Variants in ASCC3 observed in about 807,000 individuals in gnomAD.
The protein encoded by ASCC3 is activating signal cointegrator 1 complex subunit 3, also known as ASC-1 complex subunit P200.
ASCC3 carries 158 observed loss-of-function variants against 256.3 expected under a neutral mutation model. The observed-to-expected ratio is 0.62, with a 90% CI of 0.54 to 0.70. The LOEUF (loss-of-function observed/expected upper bound fraction) is 0.70. Among genes scored for constraint, ASCC3 ranks in the 30% least tolerant of loss-of-function variants. The pLI, the probability that ASCC3 is intolerant of heterozygous loss-of-function variation, is 0.00. For synonymous variants in ASCC3, 948 were observed against 883.4 expected (o/e 1.07, Z -1.30); for missense variants, 2,259 against 2,626.0 (o/e 0.86, Z 3.05).
chr6:100,554,865 A>T (rs955277205), intron 36 of ASCC3, among the ~76,000 whole-genome samples: 22 of 152,052 alleles, frequency 1.4e-4, no homozygotes, highest in African/African-American at 5.3e-4. Flanking sequence ...ATATTATTGG[A>T]TCATTATCTA....
intron 23 of ASCC3, 135 bp from the exon 24 acceptor site, chr6:100,642,884 A>G (rs1775198746): frequency 1.1e-6 from 1 of 909,206 alleles, no homozygotes; most frequent in Non-Finnish European, 1.7e-6. Context: ...AATAGCTGAG[A>G]TATTCGGAAA....
At chr6:100,651,859 G>C (rs1775687069) in intron 18 of ASCC3, among the ~76,000 whole-genome samples, 1 of 151,732 alleles carries the variant, frequency 6.6e-6, no homozygotes, top group African/African-American at 2.4e-5. Context: ...ATTAGCTAAG[G>C]AAGATCTTTA....
chr6:100,660,324 A>T (rs1776130196), intron 16 of ASCC3, among the ~76,000 whole-genome samples: 1 of 151,594 alleles, frequency 6.6e-6, no homozygotes, highest in African/African-American at 2.4e-5. Context: ...AGAGAATAAG[A>T]TAATGTACGT....
At chr6:100,757,716 T>C (rs922508975) in intron 10 of ASCC3, among the ~76,000 whole-genome samples, 1 of 152,124 alleles carries the variant, frequency 6.6e-6, no homozygotes, top group East Asian at 1.9e-4. Context: ...GAAACAGACA[T>C]CAGAAGATTC....
At chr6:100,538,567 C>T (rs954671189) in intron 37 of ASCC3, among the ~76,000 whole-genome samples, 2 of 152,040 alleles carry the variant, frequency 1.3e-5, no homozygotes, top group African/African-American at 2.4e-5. Flanking sequence ...TTAAAAATCA[C>T]CCCAATTCCT....
chr6:100,606,650 A>G, intron 32 of ASCC3, 90 bp downstream of exon 32: 2 of 1,400,222 alleles, frequency 1.4e-6, no homozygotes, highest in East Asian at 2.3e-5. Context: ...CAGAAGTTTA[A>G]TTGGTGGAAA....
At chr6:100,824,140 A>C (rs1771183893) in intron 4 of ASCC3, among the ~76,000 whole-genome samples, 1 of 152,224 alleles carries the variant, frequency 6.6e-6, no homozygotes, top group Admixed American at 6.5e-5. Flanking sequence ...AAACCTAATT[A>C]GATTATGGGT....
intron 8 of ASCC3, among the ~76,000 whole-genome samples, chr6:100,778,103 G>GA (rs34451852): frequency 0.89 from 131,324 of 147,166 alleles, 58,998 homozygotes; most frequent in South Asian, 0.97. Flanking sequence ...TAAGATGGTG[G>GA]AAAAAAAAAA....
At chr6:100,522,765 A>G (rs565771314) in intron 37 of ASCC3, among the ~76,000 whole-genome samples, 1 of 151,858 alleles carries the variant, frequency 6.6e-6, no homozygotes, top group African/African-American at 2.4e-5. Flanking sequence ...AAGTTATTGA[A>G]TTTAAACCAT....
rs146024687 is a variant in ASCC3, at chr6:100,644,844, T to C, written c.3634-715A>G. Among the ~76,000 whole-genome samples, 574 of 152,310 alleles carry C rather than the reference T, an allele frequency of 3.8e-3. 4 individuals carry two copies. The highest frequency in any genetic ancestry group is 0.013 in the African/African-American group (553 of 41,562). ...GTTCTGGGCTGGAGAAGTGGGGATG[T>C]GTTTCCCATGCTCTGTTTAATGCAA... On this transcript the variant is annotated intron_variant, in intron 22 of 41. Coordinates refer to ENST00000369162, the MANE Select transcript of ASCC3 (RefSeq NM_006828.4).
chr6:100,752,934 A>G (rs1489619937), intron 10 of ASCC3, among the ~76,000 whole-genome samples: 2 of 152,116 alleles, frequency 1.3e-5, no homozygotes, highest in East Asian at 3.9e-4. Flanking sequence ...TAATTATTAA[A>G]CTATTTATCT....
intron 30 of ASCC3, among the ~76,000 whole-genome samples, chr6:100,624,515 T>C (rs1030180410): frequency 1.1e-4 from 16 of 152,158 alleles, no homozygotes; most frequent in African/African-American, 3.8e-4. Flanking sequence ...ATATTTCTGA[T>C]AATTCATACA....
chr6:100,677,720 C>T (rs918324786), intron 14 of ASCC3, among the ~76,000 whole-genome samples: 5 of 149,832 alleles, frequency 3.3e-5, no homozygotes, highest in African/African-American at 9.8e-5. Flanking sequence ...GTGAGTAGGA[C>T]AATGTTCTTA....
At chr6:100,517,180 ATTGAGGGACT>A (rs1381916321) in intron 38 of ASCC3, among the ~76,000 whole-genome samples, 5 of 151,990 alleles carry the variant, frequency 3.3e-5, no homozygotes, top group Admixed American at 3.3e-4. Context: ...TTTAAGTCAA[ATTGAGGGACT>A]TTCCTGAGGA....
chr6:100,569,014 C>T (rs912170195), intron 36 of ASCC3, among the ~76,000 whole-genome samples: 6 of 152,066 alleles, frequency 3.9e-5, no homozygotes, highest in Non-Finnish European at 8.8e-5. Context: ...CTCCTGATCT[C>T]GTGATCTGAT....
chr6:100,530,053 A>G (rs2114640313), intron 37 of ASCC3, among the ~76,000 whole-genome samples: 1 of 151,922 alleles, frequency 6.6e-6, no homozygotes, highest in African/African-American at 2.4e-5. Flanking sequence ...ATATTCTGGT[A>G]TAATTTGGTA....
chr6:100,717,244 G>C (rs1779128259), intron 12 of ASCC3, among the ~76,000 whole-genome samples: 1 of 151,732 alleles, frequency 6.6e-6, no homozygotes, highest in Non-Finnish European at 1.5e-5. Flanking sequence ...AATAGTACAA[G>C]GTAAAAATGG....
intron 3 of ASCC3, chr6:100,859,019 C>T: frequency 1.4e-6 from 1 of 715,052 alleles, no homozygotes; most frequent in East Asian, 2.7e-5. Context: ...TTTCTTTGTA[C>T]TTAAGGTTTT....
chr6:100,577,050 C>A (rs1770908255), intron 36 of ASCC3, among the ~76,000 whole-genome samples: 1 of 150,178 alleles, frequency 6.7e-6, no homozygotes, highest in African/African-American at 2.4e-5. Context: ...GCCCACAATA[C>A]TCTGAAGAAT....
Sources: allele counts gnomAD v4.1 joint callset (sites outside exome capture counted in the v4.1 genomes callset), GRCh38; gene constraint gnomAD v4.1.1; transcripts MANE v1.5; gene names NCBI Gene and HGNC (gene_info 2026-07-23, HGNC 2026-07-21).